PLCXD3: variants seen among roughly 807,000 people sequenced by gnomAD.
PLCXD3 encodes the protein phosphatidylinositol specific phospholipase C X domain containing 3.
In PLCXD3, 19 loss-of-function variants were observed where a neutral mutation model predicts 25.5. The ratio of observed to expected loss-of-function variants is 0.75; its 90% CI spans 0.52 to 1.09. The LOEUF (loss-of-function observed/expected upper bound fraction) is 1.09, where lower values mean the gene tolerates loss of function less well. PLCXD3 is among the 50% of genes least tolerant of loss of function. The pLI, the probability that PLCXD3 is intolerant of heterozygous loss-of-function variation, is 0.00. For missense variants in PLCXD3, 411 were observed against 388.1 expected (o/e 1.06, Z -0.50); for synonymous variants, 174 against 137.6 (o/e 1.26, Z -1.85).
intron 1 of PLCXD3, among the ~76,000 whole-genome samples, chr5:41,387,120 C>A (rs1745661412): frequency 6.6e-6 from 1 of 151,998 alleles, no homozygotes; most frequent in Non-Finnish European, 1.5e-5. Context: ...TGCAGGCCAC[C>A]AATCACTGGA....
intron 1 of PLCXD3, among the ~76,000 whole-genome samples, chr5:41,468,009 CTTTTTTTTTTTTTT>C (rs145732089): frequency 1.1e-4 from 6 of 52,404 alleles, no homozygotes; most frequent in South Asian, 1.3e-3. Context: ...CAGCTTTATT[CTTTTTTTTTTTTTT>C]TTTTTTTTTT....
intron 1 of PLCXD3, among the ~76,000 whole-genome samples, chr5:41,452,144 A>G (rs1357007168): frequency 6.6e-6 from 1 of 152,032 alleles, no homozygotes; most frequent in East Asian, 1.9e-4. Flanking sequence ...CTTCTTTGCT[A>G]TCCTCACCTT....
At chr5:41,330,941 T>C (rs1413456760) in intron 2 of PLCXD3, among the ~76,000 whole-genome samples, 3 of 152,178 alleles carry the variant, frequency 2.0e-5, no homozygotes, top group Non-Finnish European at 4.4e-5. Context: ...TGATGGGATG[T>C]ATCTCAAAAT....
chr5:41,396,457 A>T (rs1746011081), intron 1 of PLCXD3, among the ~76,000 whole-genome samples: 1 of 152,152 alleles, frequency 6.6e-6, no homozygotes, highest in South Asian at 2.1e-4. Flanking sequence ...TGAGTCAATT[A>T]AACCTCTTTT....
At chr5:41,392,468 C>T (rs1445495285) in intron 1 of PLCXD3, among the ~76,000 whole-genome samples, 1 of 152,072 alleles carries the variant, frequency 6.6e-6, no homozygotes, top group Non-Finnish European at 1.5e-5. Context: ...AAAGGTGATG[C>T]CTCTACAAGT....
At chr5:41,427,164 T>C (rs560167642) in intron 1 of PLCXD3, among the ~76,000 whole-genome samples, 1 of 152,266 alleles carries the variant, frequency 6.6e-6, no homozygotes, top group East Asian at 1.9e-4. Flanking sequence ...TAATTAAATC[T>C]GGAAAATTTT....
At chr5:41,442,873 G>C (rs1220345908) in intron 1 of PLCXD3, among the ~76,000 whole-genome samples, 1 of 140,012 alleles carries the variant, frequency 7.1e-6, no homozygotes, top group African/African-American at 2.5e-5. Flanking sequence ...CAACCAACTT[G>C]TTATGGTTTA....
chr5:41,395,117 T>C (rs923006205), intron 1 of PLCXD3, among the ~76,000 whole-genome samples: 5 of 152,138 alleles, frequency 3.3e-5, no homozygotes, highest in African/African-American at 1.2e-4. Context: ...TTAAATAATA[T>C]CAAGCATCTT....
intron 1 of PLCXD3, among the ~76,000 whole-genome samples, chr5:41,436,090 C>T (rs1358302388): frequency 6.6e-6 from 1 of 152,176 alleles, no homozygotes; most frequent in Non-Finnish European, 1.5e-5. Flanking sequence ...AAGAAGCACA[C>T]ACCAGGTGAG....
At chr5:41,401,001 G>A (rs1343216351) in intron 1 of PLCXD3, among the ~76,000 whole-genome samples, 2 of 21,598 alleles carry the variant, frequency 9.3e-5, no homozygotes, top group South Asian at 7.0e-4. Flanking sequence ...ATTTTAAAAA[G>A]CTAAAAAAAA....
chr5:41,428,582 C>T (rs1048872938), intron 1 of PLCXD3, among the ~76,000 whole-genome samples: 3 of 152,010 alleles, frequency 2.0e-5, no homozygotes, highest in African/African-American at 7.2e-5. Flanking sequence ...GGACTTGTAG[C>T]TTCCAGAATT....
At position 41,309,594 on chromosome 5, in the gene PLCXD3, C is replaced by A. The variant is rs1743076332; in HGVS notation, c.*4023G>T. ...AAACTAAAAAACTCATGGAAACATG[C>A]ATTTCCTGAGACTTCCAACTTTCCA... On this transcript the variant is annotated 3_prime_UTR_variant, in exon 3 of 3. Transcript: ENST00000377801. 6.6e-6 allele frequency: 1 copy of A among 152,128 alleles called. No individual in the cohort carries two copies. Among genetic ancestry groups the A allele is most frequent in the Non-Finnish European group, 1.5e-5 (1 of 67,994 alleles). 9.4% of individuals were successfully genotyped at this position (152,128 alleles called of 1,614,324 possible). A position where few individuals can be genotyped will look rare whatever the true frequency, so the allele number is the denominator to read the frequency against.
intron 2 of PLCXD3, among the ~76,000 whole-genome samples, chr5:41,336,214 GA>G (rs1743975194): frequency 6.6e-6 from 1 of 152,096 alleles, no homozygotes; most frequent in Non-Finnish European, 1.5e-5. Flanking sequence ...ACAATAAAAT[GA>G]AACAATACAT....
chr5:41,471,031 T>C (rs187394529), intron 1 of PLCXD3, among the ~76,000 whole-genome samples: 11 of 152,244 alleles, frequency 7.2e-5, no homozygotes, highest in Admixed American at 6.5e-4. Flanking sequence ...AAATTTATCA[T>C]AGATAACTGA....
chr5:41,409,498 A>G (rs941560599), intron 1 of PLCXD3, among the ~76,000 whole-genome samples: 1 of 152,200 alleles, frequency 6.6e-6, no homozygotes, highest in African/African-American at 2.4e-5. Context: ...TAAACCTCGT[A>G]TCTAAAGTAT....
At chr5:41,477,299 T>A (rs377391644) in intron 1 of PLCXD3, among the ~76,000 whole-genome samples, 2 of 152,182 alleles carry the variant, frequency 1.3e-5, no homozygotes, top group African/African-American at 4.8e-5. Context: ...TAGTATAGAG[T>A]TTATTGTAGA....
intron 1 of PLCXD3, among the ~76,000 whole-genome samples, chr5:41,418,872 T>C (rs937914816): frequency 6.6e-6 from 1 of 152,232 alleles, no homozygotes; most frequent in Non-Finnish European, 1.5e-5. Context: ...AATTATGATC[T>C]GTTCCACCTC....
At chr5:41,462,244 A>T (rs992861696) in intron 1 of PLCXD3, among the ~76,000 whole-genome samples, 44 of 152,170 alleles carry the variant, frequency 2.9e-4, no homozygotes, top group Non-Finnish European at 3.8e-4. Flanking sequence ...GCCTAAAAAC[A>T]TAGCTAACAT....
intron 2 of PLCXD3, among the ~76,000 whole-genome samples, chr5:41,333,754 A>G (rs1331586125): frequency 1.3e-5 from 2 of 152,158 alleles, no homozygotes; most frequent in African/African-American, 4.8e-5. Flanking sequence ...GAATAGGGCT[A>G]AAGTCCTCCT....
Sources: allele counts gnomAD v4.1 joint callset (sites outside exome capture counted in the v4.1 genomes callset), GRCh38; gene constraint gnomAD v4.1.1; transcripts MANE v1.5; gene names NCBI Gene and HGNC (gene_info 2026-07-23, HGNC 2026-07-21).